MCC: variants seen among roughly 807,000 people sequenced by gnomAD.
The protein encoded by MCC is MCC regulator of Wnt signaling pathway, also known as colorectal mutant cancer protein.
MCC carries 90 observed loss-of-function variants against 116.2 expected under a neutral mutation model. That is an observed-to-expected ratio of 0.77 (90% confidence interval 0.65 to 0.92). The LOEUF is 0.92. MCC is among the 40% of genes least tolerant of loss of function. MCC has a pLI of 0.00. For missense variants in MCC, 1,516 were observed against 1,312.2 expected (o/e 1.16, Z -2.40); for synonymous variants, 578 against 510.5 (o/e 1.13, Z -1.78).
chr5:113,196,497 G>C (rs957593862), intron 3 of MCC, among the ~76,000 whole-genome samples: 5 of 152,216 alleles, frequency 3.3e-5, no homozygotes, highest in African/African-American at 1.2e-4. Context: ...AGAAAATCCA[G>C]AAATAGGGAT....
intron 3 of MCC, among the ~76,000 whole-genome samples, chr5:113,250,758 T>A (rs756520824): frequency 6.6e-6 from 1 of 152,212 alleles, no homozygotes; most frequent in Non-Finnish European, 1.5e-5. Flanking sequence ...CATGTGGCTT[T>A]TTCTAAGGGG....
chr5:113,264,982 A>C (rs1162789789), intron 3 of MCC, among the ~76,000 whole-genome samples: 1 of 152,106 alleles, frequency 6.6e-6, no homozygotes, highest in East Asian at 1.9e-4. Flanking sequence ...CGGAAGTTGC[A>C]GTGAGCCAAG....
At chr5:113,067,206 G>T (rs866207442) in intron 13 of MCC, among the ~76,000 whole-genome samples, 1 of 146,944 alleles carries the variant, frequency 6.8e-6, no homozygotes, top group South Asian at 2.2e-4. Flanking sequence ...AGGCCAACAG[G>T]GCACAGGATC....
intron 15 of MCC, among the ~76,000 whole-genome samples, chr5:113,051,896 G>C (rs1183149674): frequency 6.6e-6 from 1 of 152,064 alleles, no homozygotes; most frequent in African/African-American, 2.4e-5. Context: ...TAATGGATTT[G>C]GTATGGGTGA....
At chr5:113,143,194 T>G (rs766899365) in intron 5 of MCC, 24 bp downstream of exon 5, 2 of 1,576,058 alleles carry the variant, frequency 1.3e-6, no homozygotes, top group African/African-American at 2.7e-5. Flanking sequence ...AGGGGCAGAG[T>G]AAAAGCCGAA....
At chr5:113,194,396 G>T (rs1762291222) in intron 3 of MCC, among the ~76,000 whole-genome samples, 1 of 152,102 alleles carries the variant, frequency 6.6e-6, no homozygotes. Flanking sequence ...TCTGCGTGGG[G>T]GCTCACTCCC....
chr5:113,258,009 G>C (rs1057061334), intron 3 of MCC, among the ~76,000 whole-genome samples: 20 of 152,120 alleles, frequency 1.3e-4, no homozygotes, highest in African/African-American at 4.6e-4. Flanking sequence ...GGAGGCCAGA[G>C]CATCTGCTAA....
intron 3 of MCC, among the ~76,000 whole-genome samples, chr5:113,331,033 C>A (rs114763510): frequency 6.6e-6 from 1 of 152,200 alleles, no homozygotes; most frequent in African/African-American, 2.4e-5. Context: ...GTGTGGCATA[C>A]GCACTAGCTA....
rs550999789 is a variant in MCC, at chr5:113,033,131, GGGTCTGGATCGGTA to G, written c.2757-4089_2757-4076del. Among the ~76,000 whole-genome samples, 8 of 152,298 alleles carry G rather than the reference GGGTCTGGATCGGTA, an allele frequency of 5.3e-5. No homozygotes were observed. In the East Asian group the frequency reaches 1.5e-3, roughly 29 times the overall value. On this transcript the variant is annotated intron_variant, in intron 17 of 18. Transcript: ENST00000408903. Reference sequence around the variant, plus strand: ...CACAAGATCCAAGAACCCTCTCTTGGGGTCTGGATCGGTAATATTTTCCAGTAACAGCATTACCA... The same window carrying G: ...CACAAGATCCAAGAACCCTCTCTTGGATATTTTCCAGTAACAGCATTACCA...
chr5:113,293,437 A>G (rs918507594), intron 3 of MCC, among the ~76,000 whole-genome samples: 1 of 152,210 alleles, frequency 6.6e-6, no homozygotes, highest in African/African-American at 2.4e-5. Flanking sequence ...GATGGAACCA[A>G]GAGGGAAACC....
chr5:113,041,370 C>T (rs936589743), intron 17 of MCC, among the ~76,000 whole-genome samples: 2 of 152,204 alleles, frequency 1.3e-5, no homozygotes, highest in African/African-American at 4.8e-5. Flanking sequence ...GAAAGGAGTG[C>T]TCTTTGTATA....
chr5:113,077,751 A>C (rs538561003), intron 11 of MCC, among the ~76,000 whole-genome samples: 4 of 152,336 alleles, frequency 2.6e-5, no homozygotes, highest in African/African-American at 9.6e-5. Flanking sequence ...AAAGAATTAG[A>C]AAATCAAGAG....
intron 6 of MCC, among the ~76,000 whole-genome samples, chr5:113,116,619 C>A (rs4705779): frequency 0.42 from 63,148 of 152,108 alleles, 15,448 homozygotes; most frequent in East Asian, 0.63. Flanking sequence ...TACCCCAAGT[C>A]TCTTTTGGGG....
At chr5:113,215,451 T>C (rs1190759955) in intron 3 of MCC, among the ~76,000 whole-genome samples, 1 of 152,176 alleles carries the variant, frequency 6.6e-6, no homozygotes, top group African/African-American at 2.4e-5. Flanking sequence ...TGAAACTCAG[T>C]GGCCAATGTG....
At chr5:113,191,238 C>T (rs147045609) in intron 3 of MCC, among the ~76,000 whole-genome samples, 59 of 152,286 alleles carry the variant, frequency 3.9e-4, no homozygotes, top group East Asian at 1.5e-3. Context: ...CATCTGCCTC[C>T]GCACCAGTAC....
rs1311717484 is a variant in MCC at position 113,058,062 on chromosome 5, GA to G, written c.2214-4104del. ...CTTTCCTTTCATTAAAAATTATTTT[GA>G]AAACTTTCAAACCTATAGAAAAACA... On this transcript the variant is annotated intron_variant, in intron 14 of 18. Coordinates refer to ENST00000408903, the MANE Select transcript of MCC (RefSeq NM_001085377.2). Among the ~76,000 whole-genome samples, 4 of 152,108 alleles carry G rather than the reference GA, an allele frequency of 2.6e-5. No individual in the cohort carries two copies. The East Asian group carries it at 7.7e-4, about 29-fold the overall frequency.
chr5:113,385,061 C>T lies in MCC; in HGVS notation c.322G>A (p.Glu108Lys), dbSNP rs778159608. ...TCTGACTTTGCAGAAAGATCTACTT[C>T]CTCCTTCCTAATTTCTCGAACAAGC... is the stretch of plus-strand genomic sequence containing the variant. ...MQLVREIRKEEVDLSAKSDNS... is the reference protein window; with the variant it reads ...MQLVREIRKEKVDLSAKSDNS... The change falls in exon 2 of 19, where the codon GAA becomes AAA. Residue 108 changes from glutamate to lysine, a missense_variant. Coordinates refer to ENST00000408903, the MANE Select transcript of MCC (RefSeq NM_001085377.2). 1 of 1,614,228 alleles carries T rather than the reference C, an allele frequency of 6.2e-7. No homozygotes were observed. Among genetic ancestry groups the T allele is most frequent in the East Asian group, 2.2e-5 (1 of 44,880 alleles).
chr5:113,316,756 TCCC>T (rs1329082035), intron 3 of MCC, among the ~76,000 whole-genome samples: 1 of 151,970 alleles, frequency 6.6e-6, no homozygotes, highest in Non-Finnish European at 1.5e-5. Context: ...ACCAAACTGC[TCCC>T]CCACCACCAG....
At chr5:113,084,839 G>C (rs994991174) in intron 9 of MCC, among the ~76,000 whole-genome samples, 3 of 152,218 alleles carry the variant, frequency 2.0e-5, no homozygotes, top group Non-Finnish European at 2.9e-5. Flanking sequence ...CTGAACCTTA[G>C]TCTTTGAGAG....
Sources: gnomAD v4.1 joint callset for allele counts (sites outside exome capture counted in the v4.1 genomes callset) on GRCh38, gnomAD v4.1.1 for gene constraint, MANE v1.5 for transcripts, NCBI Gene and HGNC (gene_info 2026-07-23, HGNC 2026-07-21) for gene names.